PCDH15: variants seen among roughly 807,000 people sequenced by gnomAD.
PCDH15 encodes the protein protocadherin related 15, also known as protocadherin-15.
In PCDH15, 129 loss-of-function variants were observed where a neutral mutation model predicts 178.5. That is an observed-to-expected ratio of 0.72 (90% CI 0.63 to 0.84). The LOEUF is 0.84. Among genes scored for constraint, PCDH15 ranks in the 40% least tolerant of loss-of-function variants. PCDH15 has a pLI of 0.00. For missense variants in PCDH15, 2,230 were observed against 2,099.9 expected, an observed-to-expected ratio of 1.06 and a Z score of -1.21; for synonymous variants, 800 against 732.0, an observed-to-expected ratio of 1.09 and a Z score of -1.50.
At chr10:54,734,758 A>G (rs36017528) in intron 1 of PCDH15, among the ~76,000 whole-genome samples, 32,133 of 151,956 alleles carry the variant, frequency 0.21, 3,916 homozygotes, top group East Asian at 0.34. Flanking sequence ...CCTACAATCC[A>G]TGTGGATGAG....
At chr10:54,042,462 C>T (rs140597028) in intron 18 of PCDH15, among the ~76,000 whole-genome samples, 8 of 152,184 alleles carry the variant, frequency 5.3e-5, no homozygotes, top group Non-Finnish European at 1.0e-4. Context: ...AAATGGGGTA[C>T]TCAGTGAAGT....
intron 2 of PCDH15, among the ~76,000 whole-genome samples, chr10:55,340,411 A>T (rs1027539811): frequency 6.6e-6 from 1 of 151,956 alleles, no homozygotes; most frequent in Non-Finnish European, 1.5e-5. Context: ...GGTATAAATG[A>T]TAAAGTATAT....
At chr10:53,905,426 C>A (rs571669700) in intron 25 of PCDH15, among the ~76,000 whole-genome samples, 633 of 152,270 alleles carry the variant, frequency 4.2e-3, no homozygotes, top group Non-Finnish European at 5.1e-3. Flanking sequence ...CTCCACCTCC[C>A]GAGTTCATGC....
intron 1 of PCDH15, among the ~76,000 whole-genome samples, chr10:54,738,732 C>T (rs922558164): frequency 4.6e-5 from 7 of 151,926 alleles, no homozygotes; most frequent in African/African-American, 9.7e-5. Context: ...ATCCCAGAGA[C>T]GCAAGTATAG....
At position 54,380,652 on chromosome 10, in the gene PCDH15, T is replaced by TATATATATATATAC. The variant is rs1211198959; in HGVS notation, c.158-1711_158-1710insGTATATATATATAT. Among the ~76,000 whole-genome samples, 21 of 88,082 alleles carry TATATATATATATAC rather than the reference T, an allele frequency of 2.4e-4. 1 individual carries two copies. The highest frequency in any genetic ancestry group is 9.3e-4 in the African/African-American group (21 of 22,622). 57.8% of individuals were successfully genotyped at this position (88,082 alleles called of 152,430 possible). A position where few individuals can be genotyped will look rare whatever the true frequency, so the allele number is the denominator to read the frequency against. On this transcript the variant is annotated intron_variant, in intron 3 of 37. Coordinates refer to ENST00000644397, the MANE Select transcript of PCDH15 (RefSeq NM_001384140.1). ...GATTGTGTGTATGCATGTATATATA[T>TATATATATATATAC]ATATATATATATATATATGCTCCAT...
chr10:55,198,779 A>T (rs1234735569), intron 1 of PCDH15, among the ~76,000 whole-genome samples: 1 of 151,536 alleles, frequency 6.6e-6, no homozygotes, highest in Non-Finnish European at 1.5e-5. Flanking sequence ...CACCACACCC[A>T]GCCAAAAGCT....
intron 2 of PCDH15, among the ~76,000 whole-genome samples, chr10:55,447,751 ATAAT>A (rs1423964656): frequency 6.6e-6 from 1 of 152,124 alleles, no homozygotes; most frequent in Non-Finnish European, 1.5e-5. Context: ...TTATGTTCAC[ATAAT>A]TAAAATATTA....
chr10:54,115,596 C>T (rs2095099557), intron 15 of PCDH15, among the ~76,000 whole-genome samples: 2 of 152,196 alleles, frequency 1.3e-5, no homozygotes, highest in Admixed American at 6.5e-5. Context: ...CTCCTTGTCA[C>T]AGCCTTACAA....
intron 3 of PCDH15, among the ~76,000 whole-genome samples, chr10:54,425,569 A>T (rs1956176625): frequency 6.6e-6 from 1 of 152,156 alleles, no homozygotes; most frequent in South Asian, 2.1e-4. Flanking sequence ...CTTATCCTGA[A>T]CTTTGTAAAC....
At chr10:54,431,230 A>C (rs1343906990) in intron 3 of PCDH15, among the ~76,000 whole-genome samples, 1 of 152,160 alleles carries the variant, frequency 6.6e-6, no homozygotes, top group Non-Finnish European at 1.5e-5. Flanking sequence ...AAATAAAACA[A>C]GACAGAATAC....
chr10:54,801,951 T>C (rs1288843007), upstream of PCDH15, among the ~76,000 whole-genome samples: 2 of 152,200 alleles, frequency 1.3e-5, no homozygotes, highest in Non-Finnish European at 2.9e-5. Context: ...AAACATTTCT[T>C]AAGGAATCTA....
chr10:55,589,372 C>T (rs561864355), intron 2 of PCDH15, among the ~76,000 whole-genome samples: 16 of 152,172 alleles, frequency 1.1e-4, no homozygotes, highest in Non-Finnish European at 1.6e-4. Flanking sequence ...TATAGATATA[C>T]GGCGTTATTT....
intron 23 of PCDH15, among the ~76,000 whole-genome samples, chr10:53,947,078 A>AT (rs1481689767): frequency 1.3e-5 from 2 of 152,126 alleles, no homozygotes; most frequent in African/African-American, 4.8e-5. Context: ...CCTGGCCCAT[A>AT]TATATCCTTT....
intron 1 of PCDH15, among the ~76,000 whole-genome samples, chr10:55,305,781 C>A (rs1421204461): frequency 6.6e-6 from 1 of 152,038 alleles, no homozygotes; most frequent in Non-Finnish European, 1.5e-5. Context: ...GTTTCAAGGA[C>A]AGAATTTGTC....
chr10:53,911,080 G>A (rs1036722704), intron 25 of PCDH15, among the ~76,000 whole-genome samples: 2 of 152,086 alleles, frequency 1.3e-5, no homozygotes, highest in African/African-American at 4.8e-5. Context: ...ACCAAGCTGA[G>A]AAACACTCTT....
At position 55,185,589 on chromosome 10, in the gene PCDH15, G is replaced by A. The variant is rs146257215; in HGVS notation, c.-155-18938C>T. Among the ~76,000 whole-genome samples the A allele has an allele frequency of 6.2e-3, 941 of 151,776 alleles. 9 individuals are homozygous for A. The highest frequency in any genetic ancestry group is 0.02 in the South Asian group (97 of 4,826). On this transcript the variant is annotated intron_variant, in intron 1 of 5. Coordinates refer to the PCDH15 transcript ENST00000458638. ...AGCAAGTTAAAAATAAAAAGTCAGTGAGTAAGATTTTATTTTCAAATTATA... is the reference window on the plus strand; with the variant it reads ...AGCAAGTTAAAAATAAAAAGTCAGTAAGTAAGATTTTATTTTCAAATTATA...
At chr10:53,970,422 C>T (rs1454587426) in intron 21 of PCDH15, among the ~76,000 whole-genome samples, 2 of 151,834 alleles carry the variant, frequency 1.3e-5, no homozygotes, top group Non-Finnish European at 2.9e-5. Context: ...GGGACTTTAA[C>T]ACCTTCAGGT....
chr10:55,373,860 C>A, intron 2 of PCDH15, among the ~76,000 whole-genome samples: 1 of 145,200 alleles, frequency 6.9e-6, no homozygotes, highest in African/African-American at 2.5e-5. Context: ...AACAGAAAAG[C>A]AAACACTGCA....
intron 2 of PCDH15, among the ~76,000 whole-genome samples, chr10:55,510,544 T>C (rs1840856446): frequency 1.3e-5 from 2 of 152,028 alleles, no homozygotes; most frequent in South Asian, 4.1e-4. Context: ...AAAGTCCATC[T>C]TCTTACTGGA....
Sources: gnomAD v4.1 joint callset for allele counts (sites outside exome capture counted in the v4.1 genomes callset) on GRCh38, gnomAD v4.1.1 for gene constraint, MANE v1.5 for transcripts, NCBI Gene and HGNC (gene_info 2026-07-23, HGNC 2026-07-21) for gene names.